The following ITPK1 variants were observed in gnomAD, a reference collection of about 807,000 sequenced individuals.
ITPK1 encodes the protein inositol 1,3,4-trisphosphate 5/6-kinase.
In ITPK1, 21 loss-of-function variants were observed where a neutral mutation model predicts 45.3. The ratio of observed to expected loss-of-function variants is 0.46; its 90% confidence interval spans 0.33 to 0.67. The LOEUF (loss-of-function observed/expected upper bound fraction) is 0.67, where lower values mean the gene tolerates loss of function less well. Ranked by LOEUF, ITPK1 falls within the 30% of genes least tolerant of loss-of-function variation. The pLI is 0.02. For missense variants in ITPK1, 474 were observed against 573.5 expected, an observed-to-expected ratio of 0.83 and a Z score of 1.77; for synonymous variants, 258 against 253.6, an observed-to-expected ratio of 1.02 and a Z score of -0.16.
At chr14:93,110,976 C>T (rs1439965177) in intron 2 of ITPK1, among the ~76,000 whole-genome samples, 1 of 152,130 alleles carries the variant, frequency 6.6e-6, no homozygotes, top group African/African-American at 2.4e-5. Flanking sequence ...TCTGTTTCCT[C>T]ATCCCTCCAT....
At chr14:93,048,825 T>C (rs1889891127) in intron 3 of ITPK1, among the ~76,000 whole-genome samples, 1 of 152,108 alleles carries the variant, frequency 6.6e-6, no homozygotes, top group Non-Finnish European at 1.5e-5. Flanking sequence ...GGCACACACC[T>C]GTAATCCCAG....
At chr14:93,113,098 A>G (rs1892814236) in intron 2 of ITPK1, among the ~76,000 whole-genome samples, 1 of 152,238 alleles carries the variant, frequency 6.6e-6, no homozygotes, top group Non-Finnish European at 1.5e-5. Context: ...TTCCCTAGTG[A>G]AAACACAAAG....
intron 2 of ITPK1, 51 bp downstream of exon 2, chr14:93,114,998 CCGGGCTCGGGCCGGGGGTCA>C (rs1892880916): frequency 2.3e-5 from 19 of 818,926 alleles, no homozygotes; most frequent in Middle Eastern, 4.9e-4. Flanking sequence ...TGAGGCTGCA[CCGGGCTCGGGCCGGGGGTCA>C]CCGGGCTCGG....
At chr14:92,966,117 G>A (rs1471027393) in intron 5 of ITPK1, among the ~76,000 whole-genome samples, 2 of 152,242 alleles carry the variant, frequency 1.3e-5, no homozygotes, top group African/African-American at 4.8e-5. Flanking sequence ...CCAGGCTCAA[G>A]GGATCTTCCC....
intron 9 of ITPK1, among the ~76,000 whole-genome samples, chr14:92,948,839 C>G (rs1380946370): frequency 9.1e-6 from 1 of 110,322 alleles, no homozygotes; most frequent in African/African-American, 4.7e-5. Flanking sequence ...ACCACCCACG[C>G]TCCAAGTCCG....
chr14:93,003,749 C>A (rs1222685277), intron 4 of ITPK1, among the ~76,000 whole-genome samples: 1 of 152,182 alleles, frequency 6.6e-6, no homozygotes, highest in Non-Finnish European at 1.5e-5. Context: ...TAATCTTTTG[C>A]AGCCCAGCTA....
At chr14:93,055,090 G>A (rs1483315443) in intron 3 of ITPK1, among the ~76,000 whole-genome samples, 1 of 152,154 alleles carries the variant, frequency 6.6e-6, no homozygotes, top group African/African-American at 2.4e-5. Context: ...CTCTGCACCT[G>A]GCATCTTTGG....
chr14:93,109,894 T>C (rs978224153), intron 2 of ITPK1, among the ~76,000 whole-genome samples: 2 of 151,942 alleles, frequency 1.3e-5, no homozygotes, highest in Non-Finnish European at 2.9e-5. Context: ...AGGCCAAAGG[T>C]CCCTGAATAG....
At chr14:93,103,932 A>G (rs936832314) in intron 2 of ITPK1, among the ~76,000 whole-genome samples, 40 of 152,206 alleles carry the variant, frequency 2.6e-4, no homozygotes, top group African/African-American at 9.4e-4. Context: ...AGGATCCCCC[A>G]GAAAAAGATG....
chr14:92,987,776 C>T (rs1405198263), intron 5 of ITPK1, among the ~76,000 whole-genome samples: 1 of 152,192 alleles, frequency 6.6e-6, no homozygotes, highest in Non-Finnish European at 1.5e-5. Context: ...GCCACCCTTG[C>T]AGGCCAGACC....
At chr14:92,957,558 A>G (rs2139730377) in intron 8 of ITPK1, among the ~76,000 whole-genome samples, 1 of 152,290 alleles carries the variant, frequency 6.6e-6, no homozygotes, top group East Asian at 1.9e-4. Context: ...GCTGCTTCTC[A>G]GGCCCAGCGA....
chr14:93,013,109 C>T lies in ITPK1; in HGVS notation c.246+3567G>A, dbSNP rs188862864. ...TCGGCATGCCGGCCCCACTTGCCCA[C>T]GTGGGCAGGCCCTGGGGGCCCCTGC... On this transcript the variant is annotated intron_variant, in intron 4 of 10. Transcript: ENST00000267615. Among the ~76,000 whole-genome samples the T allele has an allele frequency of 1.2e-4, 18 of 152,304 alleles. 1 individual carries two copies. The East Asian group carries it at 1.5e-3, about 13-fold the overall frequency.
At chr14:93,044,718 CAG>C (rs1889706904) in intron 3 of ITPK1, among the ~76,000 whole-genome samples, 1 of 152,190 alleles carries the variant, frequency 6.6e-6, no homozygotes, top group South Asian at 2.1e-4. Flanking sequence ...AGCAACACGG[CAG>C]AGAGGGAAGA....
At chr14:93,037,179 C>T (rs971598282) in intron 3 of ITPK1, among the ~76,000 whole-genome samples, 2 of 152,212 alleles carry the variant, frequency 1.3e-5, no homozygotes, top group African/African-American at 2.4e-5. Flanking sequence ...ATTCTCCCTG[C>T]CAACCCTCTG....
At chr14:92,952,663 C>G (rs1888012925) in intron 8 of ITPK1, among the ~76,000 whole-genome samples, 1 of 152,224 alleles carries the variant, frequency 6.6e-6, no homozygotes, top group Non-Finnish European at 1.5e-5. Context: ...CCCCACACGT[C>G]TGGCTCCCGC....
chr14:92,983,055 C>T (rs924177818), intron 5 of ITPK1, among the ~76,000 whole-genome samples: 2 of 152,218 alleles, frequency 1.3e-5, no homozygotes, highest in African/African-American at 4.8e-5. Context: ...TCCCACCTGA[C>T]TTAGCTAGTG....
In ITPK1 at chr14:92,941,696, C is replaced by T. The variant is rs532039520; in HGVS notation, c.1110G>A (p.Ala370=). 120 of 1,557,808 alleles carry T rather than the reference C, an allele frequency of 7.7e-5. No homozygotes were observed. The highest frequency in any genetic ancestry group is 2.2e-4 in the African/African-American group (16 of 73,822). ...CCGCGTCGGCCTCAGCCTTCCAGGG[C>T]GCGTCCTGGCCCATCATGCTGCCGC... ...GCCGSMMGQD[A]PWKAEADAGG... Residue 370 remains alanine (A), a synonymous_variant, in exon 11 of 11, where the codon GCG becomes GCA. Transcript: ENST00000267615.
intron 3 of ITPK1, among the ~76,000 whole-genome samples, chr14:93,074,833 T>C (rs1284122701): frequency 1.3e-5 from 2 of 152,048 alleles, no homozygotes; most frequent in African/African-American, 2.4e-5. Context: ...ATGAGATGAA[T>C]AACCACACCT....
At chr14:93,095,427 C>A (rs1219233265) in intron 2 of ITPK1, among the ~76,000 whole-genome samples, 2 of 145,222 alleles carry the variant, frequency 1.4e-5, no homozygotes, top group African/African-American at 5.4e-5. Flanking sequence ...GCAAGTTTGA[C>A]CCAGTCCCTC....
Sources: allele counts gnomAD v4.1 joint callset (sites outside exome capture counted in the v4.1 genomes callset), GRCh38; gene constraint gnomAD v4.1.1; transcripts MANE v1.5; gene names NCBI Gene and HGNC (gene_info 2026-07-23, HGNC 2026-07-21).